VAV2: variants seen among roughly 807,000 people sequenced by gnomAD.
VAV2 encodes the protein guanine nucleotide exchange factor VAV2.
VAV2 carries 67 observed loss-of-function variants against 132.5 expected under a neutral mutation model. That is an observed-to-expected ratio of 0.51 (90% confidence interval 0.42 to 0.62). The LOEUF (loss-of-function observed/expected upper bound fraction) is 0.62. Among genes scored for constraint, VAV2 ranks in the 20% least tolerant of loss-of-function variants. The probability of loss-of-function intolerance (pLI) is 0.00; values close to 1 mark genes in which losing one functional copy is unlikely to be tolerated. For missense variants in VAV2, 938 were observed against 1,153.6 expected (o/e 0.81, Z 2.71); for synonymous variants, 492 against 443.5 (o/e 1.11, Z -1.37).
chr9:133,938,835 C>T lies in VAV2; in HGVS notation c.321+268G>A, dbSNP rs57607949. On this transcript the variant is annotated intron_variant, in intron 2 of 29. Transcript: ENST00000371850. ...GTCTGCACTCTGCTCTTCCCCCACC[C>T]GCCTGAATTCGTCACGCCTGGCCTC... 0.026 allele frequency among the ~76,000 whole-genome samples: 4,008 copies of T among 152,286 alleles called. 154 individuals are homozygous for T. The highest frequency in any genetic ancestry group is 0.079 in the African/African-American group (3,278 of 41,538).
intron 2 of VAV2, among the ~76,000 whole-genome samples, chr9:133,874,774 C>T (rs1838198056): frequency 6.6e-6 from 1 of 152,006 alleles, no homozygotes; most frequent in South Asian, 2.1e-4. Flanking sequence ...GGAACACAGG[C>T]GTCTACACAG....
chr9:133,951,538 C>T (rs557853015), intron 1 of VAV2, among the ~76,000 whole-genome samples: 1 of 152,266 alleles, frequency 6.6e-6, no homozygotes, highest in South Asian at 2.1e-4. Flanking sequence ...CCCTGTGCTT[C>T]GTGAGGCCCA....
rs76439140 is a variant in VAV2, at chr9:133,768,973, G to A, written c.2435-377C>T. On this transcript the variant is annotated intron_variant, in intron 28 of 29. Coordinates refer to ENST00000371850, the MANE Select transcript of VAV2 (RefSeq NM_001134398.2). The surrounding 1 kb of genome is among the most constrained non-coding windows in gnomAD (Gnocchi z 5.3). The stretch of plus-strand genomic sequence containing the variant: ...GGTGACAATGACCATGGCTGAGGGC[G>A]AAACACACACAGCTGCTGGGAAGGG... 9.6e-3 allele frequency among the ~76,000 whole-genome samples: 1,467 copies of A among 152,198 alleles called. 33 individuals carry two copies. Among genetic ancestry groups the A allele is most frequent in the African/African-American group, 0.034 (1,405 of 41,522 alleles).
chr9:133,861,093 C>A (rs1010230100), intron 3 of VAV2: 64 of 390,524 alleles, frequency 1.6e-4, no homozygotes, highest in Non-Finnish European at 9.3e-5. Context: ...AGGCAATGAT[C>A]TGTGAAAGGA....
At chr9:133,952,722 G>A (rs536766128) in intron 1 of VAV2, among the ~76,000 whole-genome samples, 1 of 152,302 alleles carries the variant, frequency 6.6e-6, no homozygotes, top group South Asian at 2.1e-4. Flanking sequence ...TGTGACGACA[G>A]AGGCACAGAT....
chr9:133,855,729 G>C (rs944615997), intron 3 of VAV2, among the ~76,000 whole-genome samples: 8 of 152,178 alleles, frequency 5.3e-5, no homozygotes, highest in African/African-American at 1.9e-4. Context: ...CTAATGCTTT[G>C]TCGTGCTTAG....
Position 133,802,717 on chromosome 9 carries a change from T to C in VAV2, c.836+3364A>G, listed in dbSNP as rs1372452448. 6.6e-6 allele frequency among the ~76,000 whole-genome samples: 1 copy of C among 151,676 alleles called. No homozygotes were observed. Among genetic ancestry groups the C allele is most frequent in the African/African-American group, 2.4e-5 (1 of 40,968 alleles). On this transcript the variant is annotated intron_variant, in intron 9 of 29. Transcript: ENST00000371850. This position sits in a 1 kb window ranked among gnomAD's most constrained non-coding sequence, Gnocchi z 5.8. ...GGTGCACAAATGCCTCCTCCAGAGA[T>C]GCCTCTCCTCTGCCCATTTTCCTCA... is the stretch of plus-strand genomic sequence containing the variant.
chr9:133,771,844 C>T (rs1833637345), intron 26 of VAV2, 115 bp downstream of exon 26: 1 of 992,820 alleles, frequency 1.0e-6, no homozygotes, highest in East Asian at 2.4e-5. Context: ...TAAATCTTGG[C>T]CACACTGGGA....
chr9:133,930,428 C>T (rs1158082275), intron 2 of VAV2, among the ~76,000 whole-genome samples: 7 of 104,484 alleles, frequency 6.7e-5, no homozygotes, highest in Admixed American at 3.0e-4. Flanking sequence ...CACTGTCCTC[C>T]GGCATCCTCA....
rs1049060216 is a variant in VAV2, at chr9:133,777,380, A to G, written c.1965+9T>C. 1 of 1,613,440 alleles carries G rather than the reference A, an allele frequency of 6.2e-7. No homozygotes were observed. The highest frequency in any genetic ancestry group is 8.5e-7 in the Non-Finnish European group (1 of 1,179,806). On this transcript the variant is annotated intron_variant, in intron 23 of 29. Coordinates refer to ENST00000371850, the MANE Select transcript of VAV2 (RefSeq NM_001134398.2). The stretch of plus-strand genomic sequence containing the variant: ...CGTGCTCCAGAAGCTTCTGTGGGAA[A>G]GGACTCACCCTTCCATCCACAGGGC...
In VAV2 at chr9:133,802,194, C is replaced by T. The variant is rs576335663; in HGVS notation, c.836+3887G>A. 2.0e-5 allele frequency among the ~76,000 whole-genome samples: 3 copies of T among 152,142 alleles called. No homozygotes were observed. Among genetic ancestry groups the T allele is most frequent in the Non-Finnish European group, 4.4e-5 (3 of 68,038 alleles). ...AGTCAGTTAAGGAGGCAAAAGTTTA[C>T]AGGCCTTAATTCTAACCACATTTAC... On this transcript the variant is annotated intron_variant, in intron 9 of 29. Transcript: ENST00000371850. The surrounding 1 kb of genome is among the most constrained non-coding windows in gnomAD (Gnocchi z 5.8).
intron 2 of VAV2, among the ~76,000 whole-genome samples, chr9:133,882,910 G>C (rs1213087545): frequency 6.6e-6 from 1 of 152,162 alleles, no homozygotes; most frequent in Non-Finnish European, 1.5e-5. Context: ...GGACAAGAGG[G>C]ACTCTGCCAT....
In VAV2 at chr9:133,827,224, TGTGCC is replaced by T. The variant is rs1564384020; in HGVS notation, c.449+7043_449+7047del. The stretch of plus-strand genomic sequence containing the variant: ...GAGCATGGGCATCGCCAGCTACTGC[TGTGCC>T]CACTGGGGCTGACCACTGAGCGGGG... On this transcript the variant is annotated intron_variant, in intron 4 of 29. Transcript: ENST00000371850. 7.1e-4 allele frequency among the ~76,000 whole-genome samples: 81 copies of T among 114,630 alleles called. 8 individuals are homozygous for T. Among genetic ancestry groups the T allele is most frequent in the African/African-American group, 2.6e-3 (79 of 30,752 alleles). The allele number at this position is 114,630 out of a possible 152,430, so 75.2% of individuals were successfully genotyped here.
At chr9:133,797,925 C>T in intron 9 of VAV2, 116 bp from the exon 10 acceptor site, 1 of 821,596 alleles carries the variant, frequency 1.2e-6, no homozygotes, top group South Asian at 1.8e-5. Flanking sequence ...CAGGCCCCTC[C>T]CCTGACAGCT....
rs556679582 is a variant in VAV2, at chr9:133,878,862, G to A, written c.322-17430C>T. Among the ~76,000 whole-genome samples, 42 of 152,284 alleles carry A rather than the reference G, an allele frequency of 2.8e-4. No individual in the cohort carries two copies. In the South Asian group the frequency reaches 3.5e-3, roughly 13 times the overall value. On this transcript the variant is annotated intron_variant, in intron 2 of 29. Coordinates refer to ENST00000371850, the MANE Select transcript of VAV2 (RefSeq NM_001134398.2). ...GAGCACTCGGAGTGGAAGCGCCCTC[G>A]GCCCGGGCAGCCTGGCCTCCTTTGC...
At chr9:133,800,063 G>C (rs1834872608) in intron 9 of VAV2, among the ~76,000 whole-genome samples, 1 of 152,210 alleles carries the variant, frequency 6.6e-6, no homozygotes, top group African/African-American at 2.4e-5. Flanking sequence ...CTACCCATGG[G>C]GACACTGAGG....
intron 19 of VAV2, among the ~76,000 whole-genome samples, chr9:133,781,973 G>A (rs778087857): frequency 6.6e-5 from 10 of 152,208 alleles, no homozygotes; most frequent in Non-Finnish European, 1.3e-4. Flanking sequence ...GCAGAAAGCA[G>A]GACAGTGCTT....
chr9:133,968,981 C>G (rs947010797), intron 1 of VAV2, among the ~76,000 whole-genome samples: 1 of 152,032 alleles, frequency 6.6e-6, no homozygotes, highest in Non-Finnish European at 1.5e-5. Context: ...TAAGGCAGTG[C>G]CCTTTTCTAA....
intron 29 of VAV2, among the ~76,000 whole-genome samples, chr9:133,765,223 T>C (rs549910206): frequency 2.0e-5 from 3 of 152,342 alleles, no homozygotes; most frequent in Admixed American, 6.5e-5. Flanking sequence ...ACATGAAAGT[T>C]TGAAGAGAAA....
Sources: allele counts gnomAD v4.1 joint callset (sites outside exome capture counted in the v4.1 genomes callset), GRCh38; gene constraint gnomAD v4.1.1; non-coding constraint Gnocchi (gnomAD v3.1); transcripts MANE v1.5; gene names NCBI Gene and HGNC (gene_info 2026-07-23, HGNC 2026-07-21).